TOX2: variants seen among roughly 807,000 people sequenced by gnomAD.
The protein encoded by TOX2 is granulosa cell HMG box 1.
In TOX2, 15 loss-of-function variants were observed where a neutral mutation model predicts 47.4. The observed-to-expected ratio is 0.32, with a 90% confidence interval of 0.21 to 0.49. The LOEUF is 0.49. Among genes scored for constraint, TOX2 ranks in the 20% least tolerant of loss-of-function variants. The probability of loss-of-function intolerance (pLI) is 0.99; values close to 1 mark genes in which losing one functional copy is unlikely to be tolerated. For synonymous variants in TOX2, 290 were observed against 296.6 expected, an observed-to-expected ratio of 0.98 and a Z score of 0.23; for missense variants, 622 against 673.1, an observed-to-expected ratio of 0.92 and a Z score of 0.84.
chr20:44,010,983 C>T (rs764721985), intron 3 of TOX2, among the ~76,000 whole-genome samples: 9 of 152,120 alleles, frequency 5.9e-5, no homozygotes, highest in Non-Finnish European at 1.2e-4. Flanking sequence ...GCTTCTCCTC[C>T]GGCTCCTGGG....
At chr20:44,066,602 C>T (rs2071826622) in intron 7 of TOX2, 128 bp from the exon 8 acceptor site, 3 of 1,415,200 alleles carry the variant, frequency 2.1e-6, no homozygotes, top group Non-Finnish European at 3.0e-6. Flanking sequence ...AGCAAGGCAG[C>T]AGCCCTGGAG....
chr20:43,941,940 G>A (rs2069408971), intron 1 of TOX2, among the ~76,000 whole-genome samples: 2 of 152,166 alleles, frequency 1.3e-5, no homozygotes, highest in Admixed American at 1.3e-4. Context: ...GGTTGCTACT[G>A]TAGTGAAAAT....
At chr20:43,920,809 G>A (rs752272541) in intron 1 of TOX2, among the ~76,000 whole-genome samples, 4 of 152,168 alleles carry the variant, frequency 2.6e-5, no homozygotes, top group Non-Finnish European at 5.9e-5. Flanking sequence ...AATAAAGGCT[G>A]GGAATGTCAT....
At chr20:43,934,127 C>A in intron 1 of TOX2, among the ~76,000 whole-genome samples, 1 of 110,996 alleles carries the variant, frequency 9.0e-6, no homozygotes, top group Non-Finnish European at 1.8e-5. Context: ...ATTTCAGAGC[C>A]CAAGGTAAGG....
At chr20:43,937,755 G>A (rs12625391) in intron 1 of TOX2, among the ~76,000 whole-genome samples, 9,083 of 152,148 alleles carry the variant, frequency 0.06, 520 homozygotes, top group African/African-American at 0.14. Context: ...GTCCCCATGC[G>A]GATCTGCCTG....
chr20:43,981,882 G>T (rs2070175017), intron 2 of TOX2, among the ~76,000 whole-genome samples: 1 of 151,824 alleles, frequency 6.6e-6, no homozygotes, highest in South Asian at 2.1e-4. Context: ...AGCTGTGCAG[G>T]ACAAGGGCCA....
intron 2 of TOX2, among the ~76,000 whole-genome samples, chr20:44,000,653 G>C (rs1364770306): frequency 6.6e-6 from 1 of 152,106 alleles, no homozygotes; most frequent in Non-Finnish European, 1.5e-5. Flanking sequence ...GTCTGGATGA[G>C]AGCACCAGGG....
intron 3 of TOX2, among the ~76,000 whole-genome samples, chr20:44,027,968 A>T (rs2071091144): frequency 6.6e-6 from 1 of 152,172 alleles, no homozygotes; most frequent in Non-Finnish European, 1.5e-5. Flanking sequence ...AGTGCCTGAC[A>T]GGTGCCAGAC....
chr20:43,952,862 T>C (rs1365144214), intron 1 of TOX2, among the ~76,000 whole-genome samples: 1 of 152,144 alleles, frequency 6.6e-6, no homozygotes, highest in Non-Finnish European at 1.5e-5. Flanking sequence ...TAGGTCCTAA[T>C]CTTTGAAACC....
intron 1 of TOX2, among the ~76,000 whole-genome samples, chr20:43,933,137 A>G (rs2069277201): frequency 6.6e-6 from 1 of 152,192 alleles, no homozygotes; most frequent in Non-Finnish European, 1.5e-5. Flanking sequence ...ACCTGGAGCA[A>G]AGGGGACCAC....
rs373503761 is a variant in TOX2, at chr20:43,948,466, C to T, written c.100-24901C>T. Among the ~76,000 whole-genome samples, 28 of 152,298 alleles carry T rather than the reference C, an allele frequency of 1.8e-4. No individual in the cohort carries two copies. In the East Asian group the frequency reaches 3.9e-3, roughly 21 times the overall value. ...ATGTTTGAAATTAATTTCCTTTCCTCGGCCGGCGGCATCCCTGATGACTCT... is the reference window on the plus strand; with the variant it reads ...ATGTTTGAAATTAATTTCCTTTCCTTGGCCGGCGGCATCCCTGATGACTCT... On this transcript the variant is annotated intron_variant, in intron 1 of 8. Coordinates refer to ENST00000341197, the MANE Select transcript of TOX2 (RefSeq NM_001098797.2).
At chr20:43,998,169 AC>A (rs1197938628) in intron 2 of TOX2, among the ~76,000 whole-genome samples, 1 of 152,176 alleles carries the variant, frequency 6.6e-6, no homozygotes, top group Non-Finnish European at 1.5e-5. Flanking sequence ...CTTTCAAACA[AC>A]CCGATCTTGT....
chr20:43,977,565 C>G (rs1412175262), intron 2 of TOX2, among the ~76,000 whole-genome samples: 1 of 152,124 alleles, frequency 6.6e-6, no homozygotes, highest in African/African-American at 2.4e-5. Flanking sequence ...CACCGCCGCT[C>G]TACGGGCTTG....
intron 3 of TOX2, among the ~76,000 whole-genome samples, chr20:44,028,170 G>A (rs932569868): frequency 4.6e-5 from 7 of 152,228 alleles, no homozygotes; most frequent in Non-Finnish European, 1.0e-4. Flanking sequence ...TTTAGGTGGG[G>A]AGCCAGGGAA....
chr20:44,006,907 G>A, intron 3 of TOX2, 115 bp downstream of exon 3: 1 of 1,414,980 alleles, frequency 7.1e-7, no homozygotes, highest in Non-Finnish European at 9.3e-7. Flanking sequence ...GGCAGGGTCT[G>A]GGTTTACCTG....
intron 2 of TOX2, among the ~76,000 whole-genome samples, chr20:43,975,270 C>A (rs930110624): frequency 6.6e-6 from 1 of 152,018 alleles, no homozygotes; most frequent in Non-Finnish European, 1.5e-5. Flanking sequence ...GAGGAGAGCA[C>A]AGTCGTTTGG....
At chr20:44,051,252 T>C (rs543205439) in intron 3 of TOX2, 54 bp from the exon 4 acceptor site, 11 of 1,545,930 alleles carry the variant, frequency 7.1e-6, no homozygotes, top group African/African-American at 1.4e-5. Flanking sequence ...ACAGATGTGA[T>C]GGAGTGGCAG....
At chr20:43,957,912 G>C (rs1367305809) in intron 1 of TOX2, among the ~76,000 whole-genome samples, 1 of 152,156 alleles carries the variant, frequency 6.6e-6, no homozygotes, top group Non-Finnish European at 1.5e-5. Flanking sequence ...CAGATCTCAT[G>C]AGAACTCACT....
At chr20:44,053,629 C>CACAT (rs57772354) in intron 4 of TOX2, among the ~76,000 whole-genome samples, 7 of 150,304 alleles carry the variant, frequency 4.7e-5, no homozygotes, top group African/African-American at 2.5e-5. Context: ...CACACACACA[C>CACAT]GTATATACAC....
Sources: allele counts gnomAD v4.1 joint callset (sites outside exome capture counted in the v4.1 genomes callset), GRCh38; gene constraint gnomAD v4.1.1; transcripts MANE v1.5; gene names NCBI Gene and HGNC (gene_info 2026-07-23, HGNC 2026-07-21).